ABLIM2: variants seen among roughly 807,000 people sequenced by gnomAD.
ABLIM2 encodes the protein actin-binding LIM protein 2.
A neutral mutation model predicts 97.7 loss-of-function variants in ABLIM2; 53 were observed. That is an observed-to-expected ratio of 0.54 (90% CI 0.44 to 0.68). The LOEUF is 0.68. ABLIM2 is among the 30% of genes least tolerant of loss of function. The pLI, the probability that ABLIM2 is intolerant of heterozygous loss-of-function variation, is 0.00. For missense variants in ABLIM2, 835 were observed against 867.2 expected, an observed-to-expected ratio of 0.96 and a Z score of 0.47; for synonymous variants, 361 against 345.8, an observed-to-expected ratio of 1.04 and a Z score of -0.49.
chr4:8,042,520 A>T (rs1293837721), intron 9 of ABLIM2, among the ~76,000 whole-genome samples: 1 of 152,128 alleles, frequency 6.6e-6, no homozygotes, highest in Admixed American at 6.6e-5. Flanking sequence ...ATATTTCTAC[A>T]TGGCCACCCA....
chr4:8,054,625 T>C lies in ABLIM2; in HGVS notation c.764-379A>G, dbSNP rs1797937912. 6.6e-6 allele frequency among the ~76,000 whole-genome samples: 1 copy of C among 152,178 alleles called. No homozygotes were observed. The highest frequency in any genetic ancestry group is 1.5e-5 in the Non-Finnish European group (1 of 68,026). On this transcript the variant is annotated intron_variant, in intron 7 of 20. Transcript: ENST00000447017. This position sits in a 1 kb window ranked among gnomAD's most constrained non-coding sequence, Gnocchi z 4.9. ...TCAAGTCCCTGCCTAGGATGTAGGA[T>C]TGGCTGCCTGCATGTTGAGGGCAAT... is the stretch of plus-strand genomic sequence containing the variant.
rs759469501 is a variant in ABLIM2 at position 7,986,858 on chromosome 4, A to T, written c.1681-1965T>A. 6.1e-4 allele frequency among the ~76,000 whole-genome samples: 93 copies of T among 152,284 alleles called. No homozygotes were observed. The highest frequency in any genetic ancestry group is 8.7e-4 in the Non-Finnish European group (59 of 68,036). On this transcript the variant is annotated intron_variant, in intron 17 of 20. Transcript: ENST00000447017. The surrounding 1 kb of genome is among the most constrained non-coding windows in gnomAD (Gnocchi z 4.3). ...GAGATAATTTTTGTATTTTTAGTAG[A>T]GATGGGTTTCACATGTTGGCTAAGC...
At chr4:8,138,388 C>A (rs1056851072) in intron 1 of ABLIM2, among the ~76,000 whole-genome samples, 1 of 151,872 alleles carries the variant, frequency 6.6e-6, no homozygotes, top group African/African-American at 2.4e-5. Context: ...TCATATGGAA[C>A]CAAAAAAGAG....
chr4:8,158,622 C>T, intron 1 of ABLIM2, 58 bp downstream of exon 1: 1 of 1,504,570 alleles, frequency 6.6e-7, no homozygotes, highest in Non-Finnish European at 8.8e-7. Flanking sequence ...CCACCCAGCC[C>T]TTGCGGCGCC....
intron 12 of ABLIM2, chr4:8,020,519 C>T: frequency 3.1e-6 from 2 of 646,660 alleles, no homozygotes; most frequent in South Asian, 1.7e-5. Context: ...GAAGTCTGTC[C>T]AGAGTCCCAA....
chr4:8,029,228 C>T (rs1243962015), intron 11 of ABLIM2, among the ~76,000 whole-genome samples: 1 of 152,200 alleles, frequency 6.6e-6, no homozygotes, highest in Admixed American at 6.5e-5. Context: ...CATTTTTCCA[C>T]CACTGACTTT....
In ABLIM2 at chr4:8,001,028, C is replaced by T. The variant is rs761686770; in HGVS notation, c.1618+7031G>A. 6.6e-6 allele frequency among the ~76,000 whole-genome samples: 1 copy of T among 152,232 alleles called. No individual in the cohort carries two copies. The highest frequency in any genetic ancestry group is 1.5e-5 in the Non-Finnish European group (1 of 68,038). ...CGTGAGCCACTCGCTTGGGCAGTTCCCATCCGCTCCTGGGTGCACGGGCAG... is the reference window on the plus strand; with the variant it reads ...CGTGAGCCACTCGCTTGGGCAGTTCTCATCCGCTCCTGGGTGCACGGGCAG... On this transcript the variant is annotated intron_variant, in intron 16 of 20. Coordinates refer to ENST00000447017, the MANE Select transcript of ABLIM2 (RefSeq NM_001130083.2). This position sits in a 1 kb window ranked among gnomAD's most constrained non-coding sequence, Gnocchi z 4.2.
At chr4:7,985,742 G>T (rs1361926612) in intron 17 of ABLIM2, among the ~76,000 whole-genome samples, 1 of 152,180 alleles carries the variant, frequency 6.6e-6, no homozygotes, top group African/African-American at 2.4e-5. Context: ...GGATGGGCCC[G>T]AGAGCTCCTG....
At chr4:8,031,266 G>A (rs1230931316) in intron 10 of ABLIM2, among the ~76,000 whole-genome samples, 1 of 152,216 alleles carries the variant, frequency 6.6e-6, no homozygotes, top group Non-Finnish European at 1.5e-5. Flanking sequence ...CCCACTCTGG[G>A]GTACAGCCTG....
In ABLIM2 at chr4:8,061,142, TGA is replaced by T. The variant is rs1156655942; in HGVS notation, c.676-90_676-89del. Reference sequence around the variant, plus strand: ...CGCCCGGCATGGATACAGCATGCCCTGAGCACAGGTACTCAGGGGATACTGGA... The same window carrying T: ...CGCCCGGCATGGATACAGCATGCCCTGCACAGGTACTCAGGGGATACTGGA... On this transcript the variant is annotated intron_variant, in intron 6 of 20. Transcript: ENST00000447017. The surrounding 1 kb of genome is among the most constrained non-coding windows in gnomAD (Gnocchi z 4.5). 15 of 1,143,288 alleles carry T rather than the reference TGA, an allele frequency of 1.3e-5. No homozygotes were observed. In the African/African-American group the frequency reaches 2.2e-4, roughly 16 times the overall value. 70.8% of individuals were successfully genotyped at this position (1,143,288 alleles called of 1,614,324 possible).
chr4:8,056,717 G>A (rs1799403795), intron 7 of ABLIM2, among the ~76,000 whole-genome samples: 1 of 151,872 alleles, frequency 6.6e-6, no homozygotes, highest in Admixed American at 6.5e-5. Flanking sequence ...CGGATCACGA[G>A]GTCAGGAGAT....
intron 4 of ABLIM2, among the ~76,000 whole-genome samples, chr4:8,084,595 T>A (rs1385723428): frequency 6.9e-6 from 1 of 144,392 alleles, no homozygotes. Context: ...ACTGCATACA[T>A]CCCTTCCTGC....
At chr4:8,018,939 C>T (rs1029254749) in intron 14 of ABLIM2, among the ~76,000 whole-genome samples, 2 of 152,064 alleles carry the variant, frequency 1.3e-5, no homozygotes, top group East Asian at 1.9e-4. Flanking sequence ...ATGAGTAAAC[C>T]GAGGCTCAGG....
At position 8,148,081 on chromosome 4, in the gene ABLIM2, C is replaced by A. The variant is rs1260139833; in HGVS notation, c.10+10599G>T. Among the ~76,000 whole-genome samples, 1 of 152,260 alleles carries A rather than the reference C, an allele frequency of 6.6e-6. No homozygotes were observed. ...AGGCAACAAGGGATAGTGGCCCGAC[C>A]TTGCTGGGGGAGAAACCCCTCACCA... On this transcript the variant is annotated intron_variant, in intron 1 of 20. Coordinates refer to ENST00000447017, the MANE Select transcript of ABLIM2 (RefSeq NM_001130083.2). This position sits in a 1 kb window ranked among gnomAD's most constrained non-coding sequence, Gnocchi z 6.7.
Position 8,083,547 on chromosome 4 carries a change from G to A in ABLIM2, c.455-2745C>T, listed in dbSNP as rs924985611. On this transcript the variant is annotated intron_variant, in intron 4 of 20. Coordinates refer to ENST00000447017, the MANE Select transcript of ABLIM2 (RefSeq NM_001130083.2). This position sits in a 1 kb window ranked among gnomAD's most constrained non-coding sequence, Gnocchi z 4.6. ...CAGAGGGGATGTGAACCTCACACCTGCCTCGGCCCCCTCATTCTCCTATCA... is the reference window on the plus strand; with the variant it reads ...CAGAGGGGATGTGAACCTCACACCTACCTCGGCCCCCTCATTCTCCTATCA... Among the ~76,000 whole-genome samples the A allele has an allele frequency of 5.3e-5, 8 of 152,232 alleles. No homozygotes were observed. Among genetic ancestry groups the A allele is most frequent in the African/African-American group, 1.9e-4 (8 of 41,466 alleles).
intron 1 of ABLIM2, among the ~76,000 whole-genome samples, chr4:8,117,550 A>C (rs1387126825): frequency 6.7e-6 from 1 of 148,840 alleles, no homozygotes; most frequent in Non-Finnish European, 1.5e-5. Flanking sequence ...GACTCCACCC[A>C]CCAGAGGCTC....
At chr4:8,009,644 C>A (rs999774423) in intron 14 of ABLIM2, among the ~76,000 whole-genome samples, 2 of 152,124 alleles carry the variant, frequency 1.3e-5, no homozygotes, top group African/African-American at 4.8e-5. Context: ...AATCCACGTG[C>A]CTCAGCCTCC....
Position 8,085,727 on chromosome 4 carries a change from T to TG in ABLIM2, c.454+2441dup, listed in dbSNP as rs940774063. 1.3e-5 allele frequency among the ~76,000 whole-genome samples: 2 copies of TG among 151,908 alleles called. No individual in the cohort carries two copies. Among genetic ancestry groups the TG allele is most frequent in the Admixed American group, 6.6e-5 (1 of 15,256 alleles). ...GCAGCCCCGTCCACTCACGCGGGTC[T>TG]GGGGGGTGCACCCAGCACATTTCAC... On this transcript the variant is annotated intron_variant, in intron 4 of 20. Coordinates refer to ENST00000447017, the MANE Select transcript of ABLIM2 (RefSeq NM_001130083.2). This position sits in a 1 kb window ranked among gnomAD's most constrained non-coding sequence, Gnocchi z 6.1.
chr4:8,007,972 G>A (rs1303018944), intron 16 of ABLIM2, 87 bp downstream of exon 16: 14 of 1,568,396 alleles, frequency 8.9e-6, no homozygotes, highest in Middle Eastern at 1.8e-4. Context: ...AGGCTTAGAT[G>A]TAGGGGGATA....
Sources: allele counts gnomAD v4.1 joint callset (sites outside exome capture counted in the v4.1 genomes callset), GRCh38; gene constraint gnomAD v4.1.1; non-coding constraint Gnocchi (gnomAD v3.1); transcripts MANE v1.5; gene names NCBI Gene and HGNC (gene_info 2026-07-23, HGNC 2026-07-21).